The following GET1 variants were observed in gnomAD, a reference collection of about 807,000 sequenced individuals.
GET1 encodes congenital heart disease 5 protein.
GET1 carries 20 observed loss-of-function variants against 22.6 expected under a neutral mutation model. The ratio of observed to expected loss-of-function variants is 0.89; its 90% confidence interval spans 0.62 to 1.29. The LOEUF (loss-of-function observed/expected upper bound fraction) is 1.29, where lower values mean the gene tolerates loss of function less well. Ranked by LOEUF, GET1 falls within the 50% of genes most tolerant of loss-of-function variation. The pLI, the probability that GET1 is intolerant of heterozygous loss-of-function variation, is 0.00. For synonymous variants in GET1, 92 were observed against 83.8 expected, an observed-to-expected ratio of 1.10 and a Z score of -0.53; for missense variants, 209 against 219.9, an observed-to-expected ratio of 0.95 and a Z score of 0.31.
downstream of GET1, chr21:39,406,648 AAATG>A: frequency 6.8e-7 from 1 of 1,466,678 alleles, no homozygotes; most frequent in Non-Finnish European, 9.2e-7. Flanking sequence ...GTGCTGTTTA[AAATG>A]AATGGATCTC....
At chr21:39,384,321 A>AACC (rs2037747151) in intron 1 of GET1, among the ~76,000 whole-genome samples, 1 of 151,862 alleles carries the variant, frequency 6.6e-6, no homozygotes, top group African/African-American at 2.4e-5. Context: ...CAGTGGCGCT[A>AACC]TCTCGGCTCA....
At chr21:39,410,703 C>T (rs921674072), downstream of GET1, 26 of 387,296 alleles carry the variant, frequency 6.7e-5, no homozygotes, top group East Asian at 2.1e-4. Context: ...TATCCTGTGG[C>T]GGAGCTCTTG....
At chr21:39,420,522 C>CAAAAAAAAAAAAAAAAAAAAAAA (rs397972848) in intron 1 of GET1, among the ~76,000 whole-genome samples, 1 of 87,158 alleles carries the variant, frequency 1.1e-5, no homozygotes. Context: ...GATTCTATCT[C>CAAAAAAAAAAAAAAAAAAAAAAA]AAAAAAAAAA....
chr21:39,408,417 G>A (rs1241457874), downstream of GET1, among the ~76,000 whole-genome samples: 1 of 152,126 alleles, frequency 6.6e-6, no homozygotes, highest in Non-Finnish European at 1.5e-5. Context: ...GTAGAGAAGG[G>A]GAGTGACAGG....
downstream of GET1, among the ~76,000 whole-genome samples, chr21:39,409,271 T>G (rs1257797765): frequency 6.6e-6 from 1 of 152,128 alleles, no homozygotes; most frequent in Non-Finnish European, 1.5e-5. The surrounding 1 kb of genome is among the most constrained non-coding windows in gnomAD (Gnocchi z 4.2). Flanking sequence ...GCCAAATGCC[T>G]AGAACCTTGA....
chr21:39,391,391 G>C (rs1601622294), intron 2 of GET1: 1 of 277,678 alleles, frequency 3.6e-6, no homozygotes, highest in Non-Finnish European at 6.9e-6. Flanking sequence ...AGAGGGGCCT[G>C]TCCAGGCCCA....
At chr21:39,406,222 T>C (rs757256140) in exon 5 of GET1, 8 of 1,614,126 alleles carry the variant, frequency 5.0e-6, no homozygotes, top group Admixed American at 1.7e-5. Flanking sequence ...GTTACTGAGA[T>C]GCTTGCCTGT....
chr21:39,416,521 G>A (rs1352913378), intron 1 of GET1, among the ~76,000 whole-genome samples: 3 of 152,192 alleles, frequency 2.0e-5, no homozygotes, highest in South Asian at 2.1e-4. Flanking sequence ...GTTTGTTTCA[G>A]TGGGATATGG....
At chr21:39,417,240 A>G (rs2041363336) in intron 1 of GET1, among the ~76,000 whole-genome samples, 1 of 152,052 alleles carries the variant, frequency 6.6e-6, no homozygotes, top group Non-Finnish European at 1.5e-5. Flanking sequence ...GGGTTTCACC[A>G]TGTTGGCCAG....
At chr21:39,414,742 C>CTCTT (rs1341489035) in intron 1 of GET1, among the ~76,000 whole-genome samples, 1 of 99,178 alleles carries the variant, frequency 1.0e-5, no homozygotes, top group Non-Finnish European at 1.9e-5. Flanking sequence ...CTCTCTCTCT[C>CTCTT]TGTGTGTGTG....
chr21:39,393,419 GCTTCCCATGAAGAAA>G, intron 4 of GET1, 139 bp downstream of exon 4: 1 of 664,778 alleles, frequency 1.5e-6, no homozygotes, highest in Non-Finnish European at 2.6e-6. Context: ...CTCACATGAG[GCTTCCCATGAAGAAA>G]CTGAGGTCTG....
intron 1 of GET1, among the ~76,000 whole-genome samples, chr21:39,425,544 G>A (rs367556879): frequency 5.4e-4 from 83 of 152,316 alleles, no homozygotes; most frequent in African/African-American, 1.9e-3. Flanking sequence ...AAGCAGAGCA[G>A]GCCAGCCTCT....
chr21:39,401,928 C>T (rs2038849851), downstream of GET1, among the ~76,000 whole-genome samples: 1 of 152,094 alleles, frequency 6.6e-6, no homozygotes, highest in South Asian at 2.1e-4. Flanking sequence ...GACTGCACCA[C>T]TGACTTGGCC....
intron 1 of GET1, chr21:39,411,678 A>T: frequency 9.6e-7 from 1 of 1,036,820 alleles, no homozygotes; most frequent in Non-Finnish European, 1.4e-6. Flanking sequence ...CTGACTAGAT[A>T]CTTAAAAATA....
intron 1 of GET1, chr21:39,423,019 G>T: frequency 6.2e-7 from 1 of 1,613,996 alleles, no homozygotes; most frequent in Non-Finnish European, 8.5e-7. Flanking sequence ...TGTGATAATA[G>T]ATAATTTATG....
chr21:39,419,910 G>T (rs2041995804), intron 1 of GET1, among the ~76,000 whole-genome samples: 1 of 152,114 alleles, frequency 6.6e-6, no homozygotes, highest in South Asian at 2.1e-4. Flanking sequence ...TATTTTTAAA[G>T]CAGTATACAT....
intron 1 of GET1, among the ~76,000 whole-genome samples, chr21:39,389,883 T>C (rs940650833): frequency 6.6e-6 from 1 of 152,210 alleles, no homozygotes; most frequent in African/African-American, 2.4e-5. Context: ...AGGTTACATG[T>C]TCCCTGTCAC....
chr21:39,392,506 C>T (rs1034208617), intron 3 of GET1, among the ~76,000 whole-genome samples: 1 of 88,014 alleles, frequency 1.1e-5, no homozygotes, highest in African/African-American at 3.2e-5. Flanking sequence ...CTGTCATTTG[C>T]TAAGAGATAA....
intron 1 of GET1, among the ~76,000 whole-genome samples, chr21:39,389,524 C>A (rs762622083): frequency 6.6e-6 from 1 of 152,194 alleles, no homozygotes; most frequent in Non-Finnish European, 1.5e-5. Context: ...TCTGTGATCA[C>A]CCTTTTGTAA....
Sources: allele counts gnomAD v4.1 joint callset (sites outside exome capture counted in the v4.1 genomes callset), GRCh38; gene constraint gnomAD v4.1.1; non-coding constraint Gnocchi (gnomAD v3.1); transcripts MANE v1.5; gene names NCBI Gene and HGNC (gene_info 2026-07-23, HGNC 2026-07-21).